The following CLASP1 variants were observed in gnomAD, a reference collection of about 807,000 sequenced individuals.
CLASP1 encodes cytoplasmic linker associated protein 1.
A neutral mutation model predicts 192.3 loss-of-function variants in CLASP1; 38 were observed. That is an observed-to-expected ratio of 0.20 (90% CI 0.15 to 0.26). The LOEUF is 0.26. Ranked by LOEUF, CLASP1 falls within the 10% of genes least tolerant of loss-of-function variation. The pLI is 1.00. For missense variants in CLASP1, 1,433 were observed against 1,932.5 expected, an observed-to-expected ratio of 0.74 and a Z score of 4.85; for synonymous variants, 691 against 712.8, an observed-to-expected ratio of 0.97 and a Z score of 0.49.
chr2:121,572,314 G>T (rs1052903214), intron 2 of CLASP1, among the ~76,000 whole-genome samples: 2 of 152,176 alleles, frequency 1.3e-5, no homozygotes, highest in Non-Finnish European at 2.9e-5. Flanking sequence ...TGTAGTCCCA[G>T]CTACTCAGGA....
chr2:121,465,118 G>A (rs2089251609), intron 9 of CLASP1, among the ~76,000 whole-genome samples: 1 of 152,182 alleles, frequency 6.6e-6, no homozygotes, highest in African/African-American at 2.4e-5. Flanking sequence ...ACAAGACAGG[G>A]ATGCCCTCTC....
chr2:121,497,864 C>A (rs538553830), intron 8 of CLASP1, among the ~76,000 whole-genome samples: 1 of 152,068 alleles, frequency 6.6e-6, no homozygotes, highest in Non-Finnish European at 1.5e-5. Flanking sequence ...GGACTACAGG[C>A]GCCCACCACC....
rs994974732 is a variant in CLASP1 at position 121,367,528 on chromosome 2, CG to C, written c.3886+59del. On this transcript the variant is annotated intron_variant, in intron 35 of 39. Coordinates refer to ENST00000263710, the Ensembl canonical transcript of CLASP1. ...ACCAGTGGGCCTGGTGCTGGCCAGA[CG>C]GGAGGGAGCACAAGGGAAGCACTTC... is the stretch of plus-strand genomic sequence containing the variant. 3.5e-5 allele frequency: 56 copies of C among 1,604,172 alleles called. No homozygotes were observed. In the African/African-American group the frequency reaches 7.2e-4, roughly 21 times the overall value.
chr2:121,380,855 T>C (rs922188099), intron 33 of CLASP1, among the ~76,000 whole-genome samples: 2 of 152,156 alleles, frequency 1.3e-5, no homozygotes, highest in Non-Finnish European at 2.9e-5. Context: ...TAGGTCAATA[T>C]GTATCGTGTA....
intron 36 of CLASP1, 43 bp from the exon 38 acceptor site, chr2:121,363,343 A>G: frequency 7.5e-6 from 12 of 1,609,166 alleles, no homozygotes; most frequent in Non-Finnish European, 1.0e-5. Flanking sequence ...AACACCACAC[A>G]GCACTTTCAC....
intron 8 of CLASP1, among the ~76,000 whole-genome samples, chr2:121,500,633 T>G (rs2093723786): frequency 6.6e-6 from 1 of 152,220 alleles, no homozygotes; most frequent in Non-Finnish European, 1.5e-5. Flanking sequence ...GTTTGTTTTT[T>G]GACAGCAATT....
chr2:121,609,718 G>A (rs1490345247), intron 1 of CLASP1, among the ~76,000 whole-genome samples: 2 of 152,122 alleles, frequency 1.3e-5, no homozygotes, highest in Non-Finnish European at 2.9e-5. Flanking sequence ...TGAGGCGGGC[G>A]GATCATGAGG....
At chr2:121,451,459 A>C (rs1283628475) in intron 15 of CLASP1, among the ~76,000 whole-genome samples, 9 of 152,228 alleles carry the variant, frequency 5.9e-5, no homozygotes, top group African/African-American at 2.4e-5. Context: ...TCCTTGAAGG[A>C]TCTAACACTT....
chr2:121,397,308 A>G (rs2075440133), intron 29 of CLASP1, 25 bp from the exon 31 acceptor site: 4 of 1,602,602 alleles, frequency 2.5e-6, no homozygotes, highest in Non-Finnish European at 3.4e-6. Context: ...AATTATAAAC[A>G]TTAAGTACAC....
At chr2:121,629,161 C>T (rs1438675250) in intron 1 of CLASP1, among the ~76,000 whole-genome samples, 6 of 151,950 alleles carry the variant, frequency 3.9e-5, no homozygotes, top group East Asian at 1.9e-4. Context: ...GAGGCCAAGA[C>T]GGGCAGATCA....
At chr2:121,595,172 C>T (rs368760624) in intron 2 of CLASP1, among the ~76,000 whole-genome samples, 1 of 152,186 alleles carries the variant, frequency 6.6e-6, no homozygotes, top group South Asian at 2.1e-4. Context: ...CTGCATATTG[C>T]TTCAGCAGTG....
chr2:121,425,044 G>C, intron 22 of CLASP1, 95 bp downstream of exon 22: 2 of 1,253,826 alleles, frequency 1.6e-6, no homozygotes, highest in African/African-American at 1.5e-5. Flanking sequence ...TCAAAAAATA[G>C]ATCTATATTT....
intron 19 of CLASP1, among the ~76,000 whole-genome samples, chr2:121,441,603 C>T (rs954635678): frequency 1.3e-5 from 2 of 151,758 alleles, no homozygotes; most frequent in South Asian, 2.1e-4. Context: ...TGGTGGTGCA[C>T]GCCTGTAGTC....
intron 8 of CLASP1, among the ~76,000 whole-genome samples, chr2:121,495,126 T>C (rs1459537836): frequency 6.6e-6 from 1 of 151,676 alleles, no homozygotes; most frequent in Non-Finnish European, 1.5e-5. Context: ...ATAGAGACCA[T>C]CCTGGCTAAC....
chr2:121,575,126 C>G (rs2060378209), intron 2 of CLASP1, among the ~76,000 whole-genome samples: 1 of 151,422 alleles, frequency 6.6e-6, no homozygotes, highest in Non-Finnish European at 1.5e-5. Context: ...TCTTTTTTTT[C>G]CTTTGAGACA....
chr2:121,381,987 G>C (rs2071788861), intron 33 of CLASP1, among the ~76,000 whole-genome samples: 1 of 152,126 alleles, frequency 6.6e-6, no homozygotes, highest in Non-Finnish European at 1.5e-5. Flanking sequence ...AGCTTATAAA[G>C]GGTCATCTGT....
chr2:121,570,077 G>A (rs565984814), intron 2 of CLASP1, among the ~76,000 whole-genome samples: 59 of 152,262 alleles, frequency 3.9e-4, no homozygotes, highest in Middle Eastern at 3.4e-3. Flanking sequence ...AAGGATAAAA[G>A]TTAAAAAAGG....
exon 40 of CLASP1, chr2:121,339,557 C>T (rs1271203419): frequency 1.3e-5 from 2 of 152,176 alleles, no homozygotes; most frequent in African/African-American, 2.4e-5. Context: ...GACTCCAAAC[C>T]TCTAGTTACT....
intron 1 of CLASP1, among the ~76,000 whole-genome samples, chr2:121,633,007 CATATATATAT>C (rs71398038): frequency 2.6e-5 from 3 of 115,580 alleles, no homozygotes; most frequent in African/African-American, 1.1e-4. Context: ...TATGTGTGTG[CATATATATAT>C]ATATATATAT....
Sources: allele counts gnomAD v4.1 joint callset (sites outside exome capture counted in the v4.1 genomes callset), GRCh38; gene constraint gnomAD v4.1.1; transcripts MANE v1.5; gene names NCBI Gene and HGNC (gene_info 2026-07-23, HGNC 2026-07-21).